Variants in PNPLA7 observed in about 807,000 individuals in gnomAD.
The protein encoded by PNPLA7 is patatin like domain 7, lysophospholipase.
In PNPLA7, 153 loss-of-function variants were observed where a neutral mutation model predicts 161.7. The observed-to-expected ratio is 0.95, with a 90% CI of 0.83 to 1.08. PNPLA7 has a LOEUF of 1.08. Among genes scored for constraint, PNPLA7 ranks in the 50% least tolerant of loss-of-function variants. The pLI, the probability that PNPLA7 is intolerant of heterozygous loss-of-function variation, is 0.00. For missense variants in PNPLA7, 1,739 were observed against 1,856.6 expected, an observed-to-expected ratio of 0.94 and a Z score of 1.16; for synonymous variants, 809 against 782.1, an observed-to-expected ratio of 1.03 and a Z score of -0.57.
chr9:137,461,648 G>T, intron 32 of PNPLA7, 28 bp from the exon 33 acceptor site: 1 of 1,551,746 alleles, frequency 6.4e-7, no homozygotes, highest in Non-Finnish European at 8.8e-7. Flanking sequence ...ACAGCACGTT[G>T]CCTGTGGACA....
intron 14 of PNPLA7, among the ~76,000 whole-genome samples, chr9:137,503,889 G>A (rs867658780): frequency 3.4e-3 from 42 of 12,380 alleles, no homozygotes; most frequent in Admixed American, 4.9e-3. Flanking sequence ...AAAGAAGAAG[G>A]AAGAAGAAGA....
chr9:137,475,708 C>T (rs28859278), intron 25 of PNPLA7, among the ~76,000 whole-genome samples: 3,925 of 151,924 alleles, frequency 0.026, 176 homozygotes, highest in African/African-American at 0.087. Flanking sequence ...AAAAGAATCT[C>T]CTACGAGGTT....
Position 137,460,419 on chromosome 9 carries a change from CAG to C in PNPLA7, c.4001_4002del (p.Ser1334Ter). On this transcript the variant is annotated frameshift_variant, in exon 35 of 35. Coordinates refer to ENST00000406427, the MANE Select transcript of PNPLA7 (RefSeq NM_001098537.3). LOFTEE classifies it low-confidence loss of function (END_TRUNC). ...TACCCGTCCTGGTCAGAGGAGCCCTCAGACAGTTTTGGGAAAGCCAGACTGGG... is the reference window on the plus strand; with the variant it reads ...TACCCGTCCTGGTCAGAGGAGCCCTCACAGTTTTGGGAAAGCCAGACTGGG... The part of the protein sequence containing the change: ...RHPSLAFPKL[S>X]EGSSDQDG 6.2e-7 allele frequency: 1 copy of C among 1,612,674 alleles called. No individual in the cohort carries two copies. Among genetic ancestry groups the C allele is most frequent in the Middle Eastern group, 1.7e-4 (1 of 6,020 alleles).
chr9:137,479,292 A>G (rs1214514713), intron 23 of PNPLA7, 54 bp from the exon 24 acceptor site: 10 of 1,452,896 alleles, frequency 6.9e-6, no homozygotes, highest in Non-Finnish European at 9.1e-6. Flanking sequence ...GACTCGGGAC[A>G]GGACGGAGCT....
At chr9:137,522,008 T>C (rs539755436) in intron 9 of PNPLA7, among the ~76,000 whole-genome samples, 2 of 152,334 alleles carry the variant, frequency 1.3e-5, no homozygotes, top group African/African-American at 4.8e-5. Context: ...TAAAAATCTC[T>C]TTGGGGGTAG....
chr9:137,502,295 G>A (rs1438900894), intron 14 of PNPLA7, among the ~76,000 whole-genome samples: 1 of 152,110 alleles, frequency 6.6e-6, no homozygotes, highest in Non-Finnish European at 1.5e-5. Context: ...GAAACATCAG[G>A]TGTGTAAACC....
intron 14 of PNPLA7, among the ~76,000 whole-genome samples, chr9:137,503,101 G>A (rs1455792712): frequency 1.3e-5 from 2 of 152,052 alleles, no homozygotes. Context: ...GAGAAGACTG[G>A]CTGGGTACAG....
chr9:137,470,189 C>T (rs1461329543), intron 25 of PNPLA7, among the ~76,000 whole-genome samples: 1 of 151,978 alleles, frequency 6.6e-6, no homozygotes, highest in Non-Finnish European at 1.5e-5. Flanking sequence ...CTAATCTTTT[C>T]ATTTTTTATA....
chr9:137,547,566 G>A lies in PNPLA7; in HGVS notation c.105+19C>T, dbSNP rs1181500073. 3 of 1,613,038 alleles carry A rather than the reference G, an allele frequency of 1.9e-6. No individual in the cohort carries two copies. The highest frequency in any genetic ancestry group is 1.3e-5 in the African/African-American group (1 of 75,052). On this transcript the variant is annotated intron_variant, in intron 2 of 34. Coordinates refer to ENST00000406427, the MANE Select transcript of PNPLA7 (RefSeq NM_001098537.3). The surrounding 1 kb of genome is among the most constrained non-coding windows in gnomAD (Gnocchi z 4.6). Reference sequence around the variant, plus strand: ...ACGGCCCATCCAGGTCTGGCTCCAGGGAAGCGTGAGGTGATTACCATGGTG... The same window carrying A: ...ACGGCCCATCCAGGTCTGGCTCCAGAGAAGCGTGAGGTGATTACCATGGTG...
At position 137,500,920 on chromosome 9, in the gene PNPLA7, G is replaced by A. The variant is rs1321069342; in HGVS notation, c.1552-24C>T. On this transcript the variant is annotated intron_variant, in intron 15 of 34. Transcript: ENST00000406427. The surrounding 1 kb of genome is among the most constrained non-coding windows in gnomAD (Gnocchi z 5.5). ...TCCTGACACACGAGAGGGCTCAGGA[G>A]GCGCCGCGAGTGGCCGCGGGCAGGA... is the stretch of plus-strand genomic sequence containing the variant. 6.5e-7 allele frequency: 1 copy of A among 1,542,896 alleles called. No homozygotes were observed. The highest frequency in any genetic ancestry group is 8.7e-7 in the Non-Finnish European group (1 of 1,147,984).
intron 8 of PNPLA7, among the ~76,000 whole-genome samples, chr9:137,534,803 C>T (rs1220022149): frequency 1.3e-5 from 2 of 152,160 alleles, no homozygotes; most frequent in East Asian, 1.9e-4. Context: ...GATTACCTTA[C>T]GCCTCCCCGG....
In PNPLA7 at chr9:137,537,999, C is replaced by T. The variant is rs1835985238; in HGVS notation, c.747+2643G>A. Reference sequence around the variant, plus strand: ...CCTTTCCCAGTTTTTCTCAGGCCCACAGGTGCCCCTTACACATCCAGGAGT... The same window carrying T: ...CCTTTCCCAGTTTTTCTCAGGCCCATAGGTGCCCCTTACACATCCAGGAGT... On this transcript the variant is annotated intron_variant, in intron 8 of 34. Coordinates refer to ENST00000406427, the MANE Select transcript of PNPLA7 (RefSeq NM_001098537.3). This position sits in a 1 kb window ranked among gnomAD's most constrained non-coding sequence, Gnocchi z 4.5. Among the ~76,000 whole-genome samples the T allele has an allele frequency of 1.3e-5, 2 of 152,160 alleles. 1 individual carries two copies. The highest frequency in any genetic ancestry group is 4.1e-4 in the South Asian group (2 of 4,832).
At chr9:137,503,358 A>G (rs575645471) in intron 14 of PNPLA7, among the ~76,000 whole-genome samples, 1 of 151,900 alleles carries the variant, frequency 6.6e-6, no homozygotes, top group East Asian at 1.9e-4. Flanking sequence ...TCCAGGCTGG[A>G]TGACAAAGTG....
At chr9:137,503,915 GAAGGAA>G (rs370752282) in intron 14 of PNPLA7, among the ~76,000 whole-genome samples, 1 of 148,342 alleles carries the variant, frequency 6.7e-6, no homozygotes, top group East Asian at 2.0e-4. Flanking sequence ...GAAGAAAGAA[GAAGGAA>G]GAAGAAGGAA....
intron 28 of PNPLA7, 112 bp downstream of exon 28, chr9:137,464,014 G>T: frequency 8.4e-7 from 1 of 1,187,970 alleles, no homozygotes; most frequent in Non-Finnish European, 1.2e-6. Context: ...CTGCCCATAC[G>T]TCTGCATCCT....
chr9:137,511,408 G>A (rs570210564), intron 12 of PNPLA7, among the ~76,000 whole-genome samples: 226 of 150,614 alleles, frequency 1.5e-3, no homozygotes, highest in African/African-American at 5.2e-3. Flanking sequence ...GAAGGTACCC[G>A]TTACTCAGCA....
At chr9:137,503,880 AAG>A (rs1833714027) in intron 14 of PNPLA7, among the ~76,000 whole-genome samples, 2 of 73,004 alleles carry the variant, frequency 2.7e-5, no homozygotes, top group Non-Finnish European at 7.0e-5. Flanking sequence ...AGGAAGAAGA[AAG>A]AAGAAGGAAG....
At position 137,461,929 on chromosome 9, in the gene PNPLA7, A is replaced by G. The variant is rs1297012998; in HGVS notation, c.3756+2T>C. ...GGGCGTGGTCCGGACGCCCGTACTC[A>G]CCGCACTCGCGGGCTTCTTGCTCGG... On this transcript the variant is annotated splice_donor_variant, in intron 32 of 34. Coordinates refer to ENST00000406427, the MANE Select transcript of PNPLA7 (RefSeq NM_001098537.3). LOFTEE classifies it high-confidence loss of function. The G allele has an allele frequency of 1.9e-6, 3 of 1,563,836 alleles. No individual in the cohort carries two copies. In the South Asian group the frequency reaches 3.5e-5, roughly 18 times the overall value.
At chr9:137,550,062 C>T (rs149547185) in intron 1 of PNPLA7, 106 bp downstream of exon 1, 40 of 1,417,436 alleles carry the variant, frequency 2.8e-5, no homozygotes, top group Middle Eastern at 2.3e-4. Flanking sequence ...CAAGAAGCCA[C>T]GGGGCCAAAG....
Sources: gnomAD v4.1 joint callset for allele counts (sites outside exome capture counted in the v4.1 genomes callset) on GRCh38, gnomAD v4.1.1 for gene constraint, Gnocchi (gnomAD v3.1) non-coding constraint, MANE v1.5 for transcripts, NCBI Gene and HGNC (gene_info 2026-07-23, HGNC 2026-07-21) for gene names.